The following MCTP1 variants were observed in gnomAD, a reference collection of about 807,000 sequenced individuals.
MCTP1 encodes multiple C2 and transmembrane domain-containing protein 1.
A neutral mutation model predicts 120.6 loss-of-function variants in MCTP1; 69 were observed. That is an observed-to-expected ratio of 0.57 (90% CI 0.47 to 0.70). The LOEUF (loss-of-function observed/expected upper bound fraction) is 0.70. MCTP1 is among the 30% of genes least tolerant of loss of function. The pLI is 0.00. For missense variants in MCTP1, 1,203 were observed against 1,248.8 expected, an observed-to-expected ratio of 0.96 and a Z score of 0.55; for synonymous variants, 529 against 493.1, an observed-to-expected ratio of 1.07 and a Z score of -0.96.
intron 17 of MCTP1, among the ~76,000 whole-genome samples, chr5:94,856,989 T>C (rs1000274347): frequency 1.3e-5 from 2 of 151,642 alleles, no homozygotes; most frequent in African/African-American, 2.4e-5. Context: ...AGGAGAGAGA[T>C]GTTCCCACAC....
intron 1 of MCTP1, among the ~76,000 whole-genome samples, chr5:95,085,201 C>T (rs1217420680): frequency 1.3e-5 from 2 of 152,038 alleles, no homozygotes; most frequent in South Asian, 4.1e-4. Context: ...CATTACCTAT[C>T]CCATCCCTTC....
chr5:95,009,165 A>G (rs1407297992), intron 2 of MCTP1, among the ~76,000 whole-genome samples: 1 of 151,852 alleles, frequency 6.6e-6, no homozygotes, highest in Non-Finnish European at 1.5e-5. Context: ...TCCTGGTTTG[A>G]GATAATAACT....
intron 1 of MCTP1, among the ~76,000 whole-genome samples, chr5:95,124,674 A>G (rs1436415955): frequency 6.6e-6 from 1 of 152,208 alleles, no homozygotes; most frequent in Non-Finnish European, 1.5e-5. Context: ...CAGGAAAGAA[A>G]AGCATAATTC....
rs1210128541 is a variant in MCTP1, at chr5:94,727,015, CTATTTTTCTTTACAAA to C, written c.2611-12145_2611-12130del. On this transcript the variant is annotated intron_variant, in intron 19 of 22. Coordinates refer to ENST00000515393, the MANE Select transcript of MCTP1 (RefSeq NM_024717.7). ...AGGACTGCTTTGTGAAGTCCAGAGGCTATTTTTCTTTACAAATATTTTACAAGACAAACTTATACCT... is the reference window on the plus strand; with the variant it reads ...AGGACTGCTTTGTGAAGTCCAGAGGCTATTTTACAAGACAAACTTATACCT... Among the ~76,000 whole-genome samples, 4 of 152,150 alleles carry C rather than the reference CTATTTTTCTTTACAAA, an allele frequency of 2.6e-5. No individual in the cohort carries two copies. In the East Asian group the frequency reaches 7.7e-4, roughly 29 times the overall value.
At chr5:95,159,643 A>G (rs1745499996) in intron 1 of MCTP1, among the ~76,000 whole-genome samples, 1 of 151,980 alleles carries the variant, frequency 6.6e-6, no homozygotes, top group Non-Finnish European at 1.5e-5. Context: ...CACCATCCAT[A>G]CCCAGTGTAT....
At chr5:94,936,025 T>C (rs554782430) in intron 5 of MCTP1, among the ~76,000 whole-genome samples, 2 of 152,056 alleles carry the variant, frequency 1.3e-5, no homozygotes, top group Non-Finnish European at 2.9e-5. Flanking sequence ...ATTAAGCTGA[T>C]ACTTGACATG....
chr5:94,812,070 T>C (rs1783538970), intron 17 of MCTP1, among the ~76,000 whole-genome samples: 1 of 152,160 alleles, frequency 6.6e-6, no homozygotes, highest in Non-Finnish European at 1.5e-5. Context: ...GAGTACTGTT[T>C]TAAAGAAAAT....
rs1760602887 is a variant in MCTP1 at position 95,284,499 on chromosome 5, T to G, written c.77A>C (p.Lys26Thr). The G allele has an allele frequency of 6.6e-7, 1 of 1,509,820 alleles. No homozygotes were observed. The highest frequency in any genetic ancestry group is 1.4e-5 in the African/African-American group (1 of 69,674). The allele number at this position is 1,509,820 out of a possible 1,614,324, so 93.5% of individuals were successfully genotyped here. Residue 26 changes from lysine to threonine, a missense_variant, in exon 1 of 23, where the codon AAG (lysine) becomes ACG (threonine). Physicochemically the swap from Lys to Thr is moderately conservative, Grantham distance 78 (BLOSUM62 -1). Around this residue, in one of 2 missense-constraint regions of MCTP1, gnomAD observed 463 missense variants for 377.8 expected, o/e 1.23. Transcript: ENST00000515393. The surrounding 1 kb of genome is among the most constrained non-coding windows in gnomAD (Gnocchi z 5.2). Reference sequence around the variant, plus strand: ...CCTGCCCACCCCCAGCTGCAGGTTCTTCCAGAGCCGGGCCTGGAAGGAGGA... The same window carrying G: ...CCTGCCCACCCCCAGCTGCAGGTTCGTCCAGAGCCGGGCCTGGAAGGAGGA... The part of the protein sequence containing the change: ...ASSSFQARLW[K>T]NLQLGVGRSK...
intron 1 of MCTP1, chr5:95,024,204 T>C (rs941321301): frequency 1.7e-5 from 5 of 290,816 alleles, no homozygotes; most frequent in Middle Eastern, 1.3e-3. Context: ...TCCTTGATTT[T>C]TTTCTTCTGG....
intron 18 of MCTP1, among the ~76,000 whole-genome samples, chr5:94,794,126 C>A (rs1203345590): frequency 6.6e-6 from 1 of 152,160 alleles, no homozygotes; most frequent in East Asian, 1.9e-4. Context: ...TGATCTGCCC[C>A]ACTCTTCAGT....
chr5:94,947,443 T>C (rs148386619), intron 3 of MCTP1, among the ~76,000 whole-genome samples: 5 of 151,430 alleles, frequency 3.3e-5, no homozygotes, highest in African/African-American at 7.3e-5. Context: ...ATTTCTATGA[T>C]TGAATTAGTA....
At chr5:94,807,702 G>C (rs530860168) in intron 17 of MCTP1, among the ~76,000 whole-genome samples, 17 of 101,682 alleles carry the variant, frequency 1.7e-4, no homozygotes, top group African/African-American at 6.6e-4. Context: ...ACAATGACTA[G>C]GATGGGAGAA....
intron 8 of MCTP1, among the ~76,000 whole-genome samples, chr5:94,913,737 C>A (rs1316496146): frequency 6.6e-6 from 1 of 151,786 alleles, no homozygotes; most frequent in Non-Finnish European, 1.5e-5. Context: ...CAGAGTCTTG[C>A]TCTGTCACCC....
intron 12 of MCTP1, among the ~76,000 whole-genome samples, chr5:94,888,538 A>G (rs1051966498): frequency 1.3e-5 from 2 of 152,228 alleles, no homozygotes; most frequent in Admixed American, 6.5e-5. Flanking sequence ...ATAAGTGTTG[A>G]TGCTATGAGG....
At chr5:94,799,213 A>T in intron 17 of MCTP1, 81 bp from the exon 18 acceptor site, 1 of 1,259,056 alleles carries the variant, frequency 7.9e-7, no homozygotes, top group Non-Finnish European at 1.1e-6. Flanking sequence ...CTCTACTTCA[A>T]AAACACAAAA....
intron 2 of MCTP1, among the ~76,000 whole-genome samples, chr5:95,007,433 T>A (rs147801038): frequency 6.6e-6 from 1 of 152,166 alleles, no homozygotes; most frequent in Non-Finnish European, 1.5e-5. Context: ...TCAGAGAATA[T>A]ATATGCAAAT....
At chr5:94,903,773 A>G (rs917118840) in intron 10 of MCTP1, among the ~76,000 whole-genome samples, 1 of 152,228 alleles carries the variant, frequency 6.6e-6, no homozygotes, top group African/African-American at 2.4e-5. Context: ...ATAAACAAGC[A>G]TTTGGCACAC....
chr5:95,026,388 A>G (rs964131396), intron 1 of MCTP1, among the ~76,000 whole-genome samples: 1 of 151,818 alleles, frequency 6.6e-6, no homozygotes, highest in Admixed American at 6.6e-5. Flanking sequence ...TCTAGATCTT[A>G]TTCATTCTTT....
chr5:94,709,669 A>G (rs1241061943), intron 21 of MCTP1: 1 of 152,146 alleles, frequency 6.6e-6, no homozygotes, highest in Non-Finnish European at 1.5e-5. Context: ...GCAAGAACAT[A>G]GTGGAAATTA....
Sources: allele counts gnomAD v4.1 joint callset (sites outside exome capture counted in the v4.1 genomes callset), GRCh38; gene constraint gnomAD v4.1.1; regional missense constraint gnomAD v4.1.1; non-coding constraint Gnocchi (gnomAD v3.1); transcripts MANE v1.5; gene names NCBI Gene and HGNC (gene_info 2026-07-23, HGNC 2026-07-21).